LPAR1: variants seen among roughly 807,000 people sequenced by gnomAD.
The protein encoded by LPAR1 is LPA receptor 1.
In LPAR1, 5 loss-of-function variants were observed where a neutral mutation model predicts 23.8. The observed-to-expected ratio is 0.21, with a 90% CI of 0.11 to 0.44. The LOEUF is 0.44. Ranked by LOEUF, LPAR1 falls within the 20% of genes least tolerant of loss-of-function variation. The probability of loss-of-function intolerance (pLI) is 0.99; values close to 1 mark genes in which losing one functional copy is unlikely to be tolerated. For missense variants in LPAR1, 311 were observed against 482.8 expected (o/e 0.64, Z 3.33); for synonymous variants, 160 against 164.7 (o/e 0.97, Z 0.22).
At chr9:110,949,912 A>T (rs1360207659) in intron 4 of LPAR1, among the ~76,000 whole-genome samples, 1 of 152,166 alleles carries the variant, frequency 6.6e-6, no homozygotes, top group Non-Finnish European at 1.5e-5. Flanking sequence ...TACATAATTA[A>T]CCACTCTAAC....
intron 5 of LPAR1, among the ~76,000 whole-genome samples, chr9:110,894,628 A>T (rs2085661210): frequency 1.3e-5 from 2 of 152,246 alleles, no homozygotes; most frequent in Admixed American, 1.3e-4. Flanking sequence ...GAGTGACACC[A>T]GGCTGTCCTT....
Position 110,973,362 on chromosome 9 carries a change from T to C in LPAR1, c.-104+119A>G, listed in dbSNP as rs532059825. Reference sequence around the variant, plus strand: ...ACACATTTAATGGTAGAACCAGGACTACAGCAGCAACTCCGGTTCCCAGGC... The same window carrying C: ...ACACATTTAATGGTAGAACCAGGACCACAGCAGCAACTCCGGTTCCCAGGC... On this transcript the variant is annotated intron_variant, in intron 3 of 5. Coordinates refer to ENST00000683809, the MANE Select transcript of LPAR1 (RefSeq NM_001351411.2). The C allele has an allele frequency of 3.9e-5, 6 of 152,326 alleles. No homozygotes were observed. In the South Asian group the frequency reaches 1.0e-3, roughly 26 times the overall value. 9.4% of individuals were successfully genotyped at this position (152,326 alleles called of 1,614,324 possible).
chr9:110,948,180 T>C (rs1446622203), intron 4 of LPAR1, among the ~76,000 whole-genome samples: 2 of 152,106 alleles, frequency 1.3e-5, no homozygotes, highest in Non-Finnish European at 2.9e-5. Context: ...ATTTTCTTTC[T>C]CCAAAAAAGA....
chr9:111,033,352 C>A (rs886134304), intron 2 of LPAR1, among the ~76,000 whole-genome samples: 4 of 152,208 alleles, frequency 2.6e-5, no homozygotes, highest in Non-Finnish European at 5.9e-5. Flanking sequence ...CATGCCACCC[C>A]TCCTCCTCTC....
chr9:111,002,816 G>A (rs997123121), intron 2 of LPAR1, among the ~76,000 whole-genome samples: 22 of 152,092 alleles, frequency 1.4e-4, no homozygotes, highest in Non-Finnish European at 2.8e-4. Flanking sequence ...ATCAAAAGTC[G>A]AAAGCGCTGT....
At chr9:111,006,567 C>T (rs374749482) in intron 2 of LPAR1, among the ~76,000 whole-genome samples, 25 of 152,184 alleles carry the variant, frequency 1.6e-4, no homozygotes, top group African/African-American at 5.8e-4. Flanking sequence ...ACAGACTCAA[C>T]ACACAAAAAA....
At chr9:110,938,688 T>C (rs762031051) in intron 5 of LPAR1, among the ~76,000 whole-genome samples, 61 of 139,536 alleles carry the variant, frequency 4.4e-4, no homozygotes, top group Non-Finnish European at 7.2e-4. Context: ...ACCCCATCTC[T>C]ACAAAAAAAA....
At chr9:110,980,950 G>C (rs186343179) in intron 2 of LPAR1, among the ~76,000 whole-genome samples, 3 of 152,054 alleles carry the variant, frequency 2.0e-5, no homozygotes, top group Admixed American at 2.0e-4. Flanking sequence ...AGATAATATA[G>C]AGGAACAAAT....
intron 2 of LPAR1, among the ~76,000 whole-genome samples, chr9:111,000,885 G>T (rs979047650): frequency 1.8e-4 from 27 of 152,246 alleles, no homozygotes; most frequent in African/African-American, 6.5e-4. Flanking sequence ...AGAGAGGTCG[G>T]TCATTTTGGA....
In LPAR1 at chr9:110,978,570, G is replaced by A. The variant is rs2096606540; in HGVS notation, c.-181-5012C>T. On this transcript the variant is annotated intron_variant, in intron 2 of 5. Coordinates refer to ENST00000683809, the MANE Select transcript of LPAR1 (RefSeq NM_001351411.2). Reference sequence around the variant, plus strand: ...GTATCATTCTTCAGAGAGCCCTATAGTCTGATATAAACAAAATAGAAGAAA... The same window carrying A: ...GTATCATTCTTCAGAGAGCCCTATAATCTGATATAAACAAAATAGAAGAAA... 2.0e-5 allele frequency among the ~76,000 whole-genome samples: 3 copies of A among 152,270 alleles called. No individual in the cohort carries two copies. In the South Asian group the frequency reaches 6.2e-4, roughly 32 times the overall value.
chr9:110,897,067 G>A (rs983810335), intron 5 of LPAR1, among the ~76,000 whole-genome samples: 3 of 152,254 alleles, frequency 2.0e-5, no homozygotes, highest in East Asian at 1.9e-4. Context: ...GATTACAGGC[G>A]TGATTTAGTG....
chr9:110,928,732 T>C (rs1470500819), intron 5 of LPAR1, among the ~76,000 whole-genome samples: 1 of 152,144 alleles, frequency 6.6e-6, no homozygotes, highest in Non-Finnish European at 1.5e-5. Flanking sequence ...ACTGGACCAA[T>C]ATACAAAGGA....
intron 5 of LPAR1, among the ~76,000 whole-genome samples, chr9:110,878,791 C>T (rs2079854423): frequency 6.6e-6 from 1 of 152,070 alleles, no homozygotes; most frequent in South Asian, 2.1e-4. Flanking sequence ...GATAGATTCT[C>T]CAAGGGCAGA....
intron 5 of LPAR1, among the ~76,000 whole-genome samples, chr9:110,923,960 A>T (rs908270358): frequency 1.1e-4 from 16 of 152,146 alleles, no homozygotes; most frequent in African/African-American, 3.9e-4. Context: ...ATACATTCCT[A>T]TTTTTGTTTA....
intron 5 of LPAR1, among the ~76,000 whole-genome samples, chr9:110,913,753 A>G (rs1361955068): frequency 6.6e-6 from 1 of 152,196 alleles, no homozygotes; most frequent in Non-Finnish European, 1.5e-5. Context: ...CGAGAACATT[A>G]GGGTAAGAGA....
At chr9:110,912,141 G>A (rs2092532592) in intron 5 of LPAR1, among the ~76,000 whole-genome samples, 2 of 152,162 alleles carry the variant, frequency 1.3e-5, no homozygotes, top group African/African-American at 4.8e-5. Context: ...CTACATCACA[G>A]TTTTTAAATA....
intron 5 of LPAR1, among the ~76,000 whole-genome samples, chr9:110,903,596 T>C (rs533189623): frequency 6.6e-6 from 1 of 152,016 alleles, no homozygotes; most frequent in Admixed American, 6.6e-5. Flanking sequence ...ATTTACTCAC[T>C]ATGAACAAGA....
intron 5 of LPAR1, among the ~76,000 whole-genome samples, chr9:110,907,649 T>C (rs2091568673): frequency 6.6e-6 from 1 of 152,206 alleles, no homozygotes; most frequent in South Asian, 2.1e-4. Flanking sequence ...GGATATGTGT[T>C]GTCTTTGCAT....
chr9:110,970,630 T>G (rs2096387808), intron 4 of LPAR1, among the ~76,000 whole-genome samples: 1 of 152,134 alleles, frequency 6.6e-6, no homozygotes, highest in African/African-American at 2.4e-5. Context: ...GAGAAAACAC[T>G]ATACTATATG....
Sources: allele counts gnomAD v4.1 joint callset (sites outside exome capture counted in the v4.1 genomes callset), GRCh38; gene constraint gnomAD v4.1.1; transcripts MANE v1.5; gene names NCBI Gene and HGNC (gene_info 2026-07-23, HGNC 2026-07-21).